ENDOD1: variants seen among roughly 807,000 people sequenced by gnomAD.
ENDOD1 encodes the protein endonuclease domain containing 1.
Under a neutral mutation model 6.5 loss-of-function variants are expected in ENDOD1, and 9 were observed. The ratio of observed to expected loss-of-function variants is 1.39; its 90% CI spans 0.84 to 2.43. The LOEUF is 2.43. ENDOD1 is among the 30% of genes most tolerant of loss of function. The pLI is 0.00. For missense variants in ENDOD1, 648 were observed against 635.5 expected, an observed-to-expected ratio of 1.02 and a Z score of -0.21; for synonymous variants, 255 against 255.2, an observed-to-expected ratio of 1.00 and a Z score of 0.01.
intron 1 of ENDOD1, among the ~76,000 whole-genome samples, chr11:95,116,629 A>G (rs562309193): frequency 6.7e-4 from 102 of 152,292 alleles, no homozygotes; most frequent in Non-Finnish European, 2.4e-4. Flanking sequence ...TTATGCCTAT[A>G]GACTTCCCTC....
At chr11:95,118,131 A>G (rs567990776) in intron 1 of ENDOD1, among the ~76,000 whole-genome samples, 40 of 152,210 alleles carry the variant, frequency 2.6e-4, no homozygotes, top group Middle Eastern at 3.4e-3. Context: ...TGTGTCCTGG[A>G]AAGTTGTTGT....
intron 1 of ENDOD1, among the ~76,000 whole-genome samples, chr11:95,118,308 T>C (rs1555112671): frequency 6.6e-6 from 1 of 152,264 alleles, no homozygotes; most frequent in East Asian, 1.9e-4. Context: ...TTCTTTCTGA[T>C]TGAAGTACTC....
intron 1 of ENDOD1, among the ~76,000 whole-genome samples, 196 bp downstream of exon 1, chr11:95,090,423 T>C (rs1555109769): frequency 6.8e-6 from 1 of 147,690 alleles, no homozygotes; most frequent in African/African-American, 2.5e-5. Context: ...CCTGTCGAGC[T>C]ACAATAAGAG....
At chr11:95,094,806 C>A (rs879973129) in intron 1 of ENDOD1, among the ~76,000 whole-genome samples, 15 of 152,206 alleles carry the variant, frequency 9.9e-5, no homozygotes, top group Admixed American at 2.6e-4. Flanking sequence ...GATTCTTACT[C>A]CTTAATTAAG....
chr11:95,125,112 C>T (rs1217268164), intron 1 of ENDOD1, among the ~76,000 whole-genome samples: 1 of 152,114 alleles, frequency 6.6e-6, no homozygotes, highest in Non-Finnish European at 1.5e-5. Flanking sequence ...CCTGTAGGCA[C>T]GTTTCACCCT....
Position 95,129,128 on chromosome 11 carries a change from T to A in ENDOD1, c.1052T>A (p.Val351Glu). 1 of 1,614,184 alleles carries A rather than the reference T, an allele frequency of 6.2e-7. No individual in the cohort carries two copies. The highest frequency in any genetic ancestry group is 8.5e-7 in the Non-Finnish European group (1 of 1,180,028). Residue 351 changes from valine to glutamate, a missense_variant, in exon 2 of 2, where the codon GTA becomes GAA. Val to Glu is a moderately radical substitution (Grantham distance 121). Coordinates refer to ENST00000278505, the MANE Select transcript of ENDOD1 (RefSeq NM_015036.3). Reference sequence around the variant, plus strand: ...TTTCAATTAATTTATTACCTTGTGGTAGCAATCCTGAAGAACATTGTCTAT... The same window carrying A: ...TTTCAATTAATTTATTACCTTGTGGAAGCAATCCTGAAGAACATTGTCTAT... Reference protein sequence around the residue: ...KLFQLIYYLVVAILKNIVYFL... With the variant: ...KLFQLIYYLVEAILKNIVYFL...
In ENDOD1 at chr11:95,110,575, G is replaced by T. The variant is rs912796477; in HGVS notation, c.301-17802G>T. On this transcript the variant is annotated intron_variant, in intron 1 of 1. Coordinates refer to ENST00000278505, the MANE Select transcript of ENDOD1 (RefSeq NM_015036.3). ...CTCTTTTTTGCTGACTTTCAAGTCC[G>T]TGTATGTATGTGTGTGTGTGTGTGT... Among the ~76,000 whole-genome samples, 7 of 128,868 alleles carry T rather than the reference G, an allele frequency of 5.4e-5. No homozygotes were observed. The East Asian group carries it at 1.4e-3, about 26-fold the overall frequency. The allele number at this position is 128,868 out of a possible 152,430, so 84.5% of individuals were successfully genotyped here. A position where few individuals can be genotyped will look rare whatever the true frequency, so the allele number is the denominator to read the frequency against.
chr11:95,128,023 G>A (rs1158251056), intron 1 of ENDOD1, among the ~76,000 whole-genome samples: 1 of 152,188 alleles, frequency 6.6e-6, no homozygotes, highest in Non-Finnish European at 1.5e-5. Context: ...GCCTCCCAAA[G>A]TGCTAGGATT....
intron 1 of ENDOD1, among the ~76,000 whole-genome samples, chr11:95,111,530 G>A (rs1859150463): frequency 2.0e-5 from 3 of 151,700 alleles, no homozygotes; most frequent in Admixed American, 1.3e-4. Flanking sequence ...GTCCCATCTG[G>A]GGGTGATGGG....
At chr11:95,109,697 A>G (rs1316186302) in intron 1 of ENDOD1, among the ~76,000 whole-genome samples, 2 of 152,234 alleles carry the variant, frequency 1.3e-5, no homozygotes, top group East Asian at 3.8e-4. Context: ...GTTGCCCATC[A>G]GCAGCAGGGC....
chr11:95,104,055 T>C (rs1164136694), intron 1 of ENDOD1, among the ~76,000 whole-genome samples: 3 of 152,220 alleles, frequency 2.0e-5, no homozygotes, highest in African/African-American at 7.2e-5. Context: ...TATCCTCTGT[T>C]ATTGTTACCC....
At chr11:95,103,011 G>A (rs1859055859) in intron 1 of ENDOD1, among the ~76,000 whole-genome samples, 1 of 151,932 alleles carries the variant, frequency 6.6e-6, no homozygotes. Flanking sequence ...TGTTACTGCT[G>A]TTGCTTTCAC....
At chr11:95,104,970 G>A (rs2134165341) in intron 1 of ENDOD1, among the ~76,000 whole-genome samples, 1 of 152,320 alleles carries the variant, frequency 6.6e-6, no homozygotes, top group East Asian at 1.9e-4. Context: ...TTGCTGGCCA[G>A]ATTGGGTGGC....
At chr11:95,123,646 A>G (rs2134174007) in intron 1 of ENDOD1, among the ~76,000 whole-genome samples, 1 of 152,168 alleles carries the variant, frequency 6.6e-6, no homozygotes, top group African/African-American at 2.4e-5. Flanking sequence ...TAAATCTATA[A>G]TGAGTTATGA....
Position 95,102,208 on chromosome 11 carries a change from G to A in ENDOD1, c.300+11981G>A, listed in dbSNP as rs544417089. Among the ~76,000 whole-genome samples the A allele has an allele frequency of 3.3e-5, 5 of 152,214 alleles. No homozygotes were observed. The East Asian group carries it at 9.7e-4, about 29-fold the overall frequency. ...CTGTTACTAAAGCCTACTGCCATTT[G>A]GCCTCACATTTAGAGGGCCTTGAAG... On this transcript the variant is annotated intron_variant, in intron 1 of 1. Transcript: ENST00000278505.
intron 1 of ENDOD1, among the ~76,000 whole-genome samples, chr11:95,100,050 A>G (rs1486902340): frequency 1.3e-5 from 2 of 152,202 alleles, no homozygotes; most frequent in East Asian, 1.9e-4. Context: ...TCATTCTTGG[A>G]TATCTCCATT....
chr11:95,094,046 G>T (rs1158172587), intron 1 of ENDOD1, among the ~76,000 whole-genome samples: 1 of 151,732 alleles, frequency 6.6e-6, no homozygotes, highest in East Asian at 1.9e-4. Flanking sequence ...CCTTTCTAAA[G>T]TGCATTGCTG....
Position 95,128,835 on chromosome 11 carries a change from T to G in ENDOD1, c.759T>G (p.Asp253Glu), listed in dbSNP as rs770853866. Residue 253 changes from aspartate to glutamate, a missense_variant, in exon 2 of 2, where the codon GAT becomes GAG. By Grantham distance (45) the Asp-to-Glu change is conservative (BLOSUM62 2). Coordinates refer to ENST00000278505, the MANE Select transcript of ENDOD1 (RefSeq NM_015036.3). ...TCATAGAAGATGTGATGGTAAAAGA[T>G]CTTCAGAAACTGCTTCCATTTAACC... The part of the protein sequence containing the change: ...SDIIEDVMVK[D>E]LQKLLPFNPQ... 1 of 1,614,046 alleles carries G rather than the reference T, an allele frequency of 6.2e-7. No homozygotes were observed. The highest frequency in any genetic ancestry group is 8.5e-7 in the Non-Finnish European group (1 of 1,180,034).
intron 1 of ENDOD1, among the ~76,000 whole-genome samples, chr11:95,120,577 C>A (rs556299898): frequency 1.5e-4 from 23 of 152,020 alleles, no homozygotes; most frequent in Admixed American, 3.3e-4. Flanking sequence ...CTCTCTTCTT[C>A]TCAAGCAGAA....
Sources: gnomAD v4.1 joint callset for allele counts (sites outside exome capture counted in the v4.1 genomes callset) on GRCh38, gnomAD v4.1.1 for gene constraint, MANE v1.5 for transcripts, NCBI Gene and HGNC (gene_info 2026-07-23, HGNC 2026-07-21) for gene names.